FHIT: variants seen among roughly 807,000 people sequenced by gnomAD.
The protein encoded by FHIT is fragile histidine triad diadenosine triphosphatase, also known as bis(5'-adenosyl)-triphosphatase.
A neutral mutation model predicts 17.9 loss-of-function variants in FHIT; 19 were observed. That is an observed-to-expected ratio of 1.06 (90% CI 0.74 to 1.56). The LOEUF is 1.56. FHIT is among the 40% of genes most tolerant of loss of function. The pLI is 0.00. For missense variants in FHIT, 248 were observed against 189.2 expected, an observed-to-expected ratio of 1.31 and a Z score of -1.82; for synonymous variants, 81 against 69.7, an observed-to-expected ratio of 1.16 and a Z score of -0.81.
chr3:60,799,045 T>C (rs1553731418), intron 4 of FHIT, among the ~76,000 whole-genome samples: 1 of 152,202 alleles, frequency 6.6e-6, no homozygotes, highest in Non-Finnish European at 1.5e-5. Flanking sequence ...TCTATATCTA[T>C]TCTTGCCCTC....
chr3:60,216,097 A>G (rs1192376695), intron 5 of FHIT, among the ~76,000 whole-genome samples: 5 of 152,208 alleles, frequency 3.3e-5, no homozygotes, highest in Non-Finnish European at 7.3e-5. Context: ...AGGGGGATCA[A>G]CACTGAAACT....
chr3:60,394,661 A>C (rs66638788), intron 5 of FHIT, among the ~76,000 whole-genome samples: 36,852 of 152,030 alleles, frequency 0.24, 4,754 homozygotes, highest in East Asian at 0.47. Flanking sequence ...TGGAGGAAAT[A>C]CTAGTACCTA....
chr3:60,413,268 T>A (rs915470429), intron 5 of FHIT, among the ~76,000 whole-genome samples: 4 of 152,078 alleles, frequency 2.6e-5, no homozygotes, highest in African/African-American at 4.8e-5. Flanking sequence ...AAAGAGTTAA[T>A]AAATTCAGAA....
At chr3:60,911,565 C>T (rs1222064533) in intron 3 of FHIT, among the ~76,000 whole-genome samples, 1 of 152,166 alleles carries the variant, frequency 6.6e-6, no homozygotes, top group Non-Finnish European at 1.5e-5. Context: ...CCCTGCAGAG[C>T]ACTGGTTGTG....
intron 5 of FHIT, among the ~76,000 whole-genome samples, chr3:60,157,037 A>G (rs577096841): frequency 3.3e-5 from 5 of 152,210 alleles, no homozygotes; most frequent in Non-Finnish European, 7.4e-5. Flanking sequence ...ATAAATATGG[A>G]TTTATACATT....
intron 2 of FHIT, among the ~76,000 whole-genome samples, chr3:61,145,252 T>C (rs2037193636): frequency 6.6e-6 from 1 of 152,144 alleles, no homozygotes; most frequent in African/African-American, 2.4e-5. Context: ...TCTTTGCATG[T>C]AGACATCCCC....
chr3:60,157,640 C>T (rs1700759979), intron 5 of FHIT, among the ~76,000 whole-genome samples: 1 of 152,126 alleles, frequency 6.6e-6, no homozygotes, highest in Admixed American at 6.5e-5. Flanking sequence ...GAGAATGATA[C>T]CTAAAAAGCA....
At chr3:60,676,919 G>A (rs1355792768) in intron 4 of FHIT, among the ~76,000 whole-genome samples, 1 of 152,130 alleles carries the variant, frequency 6.6e-6, no homozygotes, top group Non-Finnish European at 1.5e-5. Context: ...ATGTCACCTA[G>A]GCTGGAATGC....
chr3:61,243,532 A>T (rs1225759499), intron 1 of FHIT, among the ~76,000 whole-genome samples: 1 of 152,240 alleles, frequency 6.6e-6, no homozygotes, highest in African/African-American at 2.4e-5. Flanking sequence ...GCCTTTCTAG[A>T]AGTGGTTCAT....
intron 5 of FHIT, among the ~76,000 whole-genome samples, chr3:60,435,960 C>G (rs2030192077): frequency 1.3e-5 from 2 of 152,136 alleles, no homozygotes; most frequent in Non-Finnish European, 2.9e-5. Flanking sequence ...GCCTCCAGCT[C>G]CATCCTTATC....
At chr3:60,347,297 T>C (rs1710830125) in intron 5 of FHIT, among the ~76,000 whole-genome samples, 1 of 152,216 alleles carries the variant, frequency 6.6e-6, no homozygotes, top group Non-Finnish European at 1.5e-5. Flanking sequence ...ATGTGTTTCA[T>C]AGGTTCATTA....
intron 4 of FHIT, among the ~76,000 whole-genome samples, chr3:60,792,260 C>CT (rs1700804489): frequency 6.6e-6 from 1 of 152,262 alleles, no homozygotes; most frequent in Non-Finnish European, 1.5e-5. Context: ...CAGGAGAGGG[C>CT]TTTTTTTGTA....
chr3:60,956,519 C>G, intron 3 of FHIT, among the ~76,000 whole-genome samples: 2 of 152,274 alleles, frequency 1.3e-5, no homozygotes, highest in Middle Eastern at 3.4e-3. Flanking sequence ...ATTTGTATCT[C>G]TTGTGATTTA....
rs116512191 is a variant in FHIT, at chr3:60,585,498, A to G, written c.-17-48519T>C. Among the ~76,000 whole-genome samples, 489 of 152,152 alleles carry G rather than the reference A, an allele frequency of 3.2e-3. 6 individuals are homozygous for G. The highest frequency in any genetic ancestry group is 0.011 in the African/African-American group (472 of 41,546). On this transcript the variant is annotated intron_variant, in intron 4 of 9. Transcript: ENST00000492590. ...TTTTCATTCAGATCCAAAGCTTGTT[A>G]CACATTCTGCAACAAAATATTTAAT... is the stretch of plus-strand genomic sequence containing the variant.
intron 4 of FHIT, among the ~76,000 whole-genome samples, chr3:60,630,138 G>A (rs548977442): frequency 1.3e-5 from 2 of 152,142 alleles, no homozygotes; most frequent in Non-Finnish European, 2.9e-5. Context: ...TATCAATAAA[G>A]TATTCCAAGA....
chr3:60,574,541 G>A (rs1479186650), intron 4 of FHIT, among the ~76,000 whole-genome samples: 3 of 151,962 alleles, frequency 2.0e-5, no homozygotes, highest in African/African-American at 7.3e-5. Flanking sequence ...ATATTGTGGA[G>A]CACTCACGCA....
chr3:60,091,379 G>A (rs1250806978), intron 5 of FHIT, among the ~76,000 whole-genome samples: 1 of 152,152 alleles, frequency 6.6e-6, no homozygotes, highest in Non-Finnish European at 1.5e-5. Context: ...AAATGTCGCT[G>A]TTCAGGTTCT....
Position 61,199,542 on chromosome 3 carries a change from T to C in FHIT, c.-164+1075A>G, listed in dbSNP as rs533931094. 7.0e-4 allele frequency among the ~76,000 whole-genome samples: 64 copies of C among 91,874 alleles called. 2 individuals are homozygous for C. Among genetic ancestry groups the C allele is most frequent in the African/African-American group, 2.5e-3 (62 of 24,988 alleles). The allele number at this position is 91,874 out of a possible 152,430, so 60.3% of individuals were successfully genotyped here. ...CAAAGCAAATCCTAAGAAAAGAGGA[T>C]TTTTTTATAACTCATATTTTTATTA... is the stretch of plus-strand genomic sequence containing the variant. On this transcript the variant is annotated intron_variant, in intron 2 of 9. Coordinates refer to ENST00000492590, the MANE Select transcript of FHIT (RefSeq NM_002012.4).
At chr3:61,012,875 TATTAC>T (rs1247893365) in intron 3 of FHIT, among the ~76,000 whole-genome samples, 1 of 151,930 alleles carries the variant, frequency 6.6e-6, no homozygotes, top group Non-Finnish European at 1.5e-5. Context: ...ATTTCAAGCA[TATTAC>T]ATTGATAAAA....
Sources: gnomAD v4.1 joint callset for allele counts (sites outside exome capture counted in the v4.1 genomes callset) on GRCh38, gnomAD v4.1.1 for gene constraint, MANE v1.5 for transcripts, NCBI Gene and HGNC (gene_info 2026-07-23, HGNC 2026-07-21) for gene names.